The following UMAD1 variants were observed in gnomAD, a reference collection of about 807,000 sequenced individuals.
UMAD1 encodes UBAP1-MVB12-associated (UMA)-domain containing protein 1.
Under a neutral mutation model 6.1 loss-of-function variants are expected in UMAD1, and 8 were observed. The observed-to-expected ratio is 1.30, with a 90% CI of 0.76 to 2.35. UMAD1 has a LOEUF of 2.35. Ranked by LOEUF, UMAD1 falls within the 30% of genes most tolerant of loss-of-function variation. The probability of loss-of-function intolerance (pLI) is 0.00; values close to 1 mark genes in which losing one functional copy is unlikely to be tolerated. For synonymous variants in UMAD1, 56 were observed against 31.4 expected (o/e 1.78, Z -2.61); for missense variants, 130 against 78.4 (o/e 1.66, Z -2.49).
intron 1 of UMAD1, among the ~76,000 whole-genome samples, chr7:7,645,132 A>G (rs1028360937): frequency 1.3e-5 from 2 of 152,118 alleles, no homozygotes; most frequent in Non-Finnish European, 2.9e-5. Flanking sequence ...AGAATTTTCT[A>G]TCAGTTTTTT....
intron 2 of UMAD1, among the ~76,000 whole-genome samples, chr7:7,756,627 A>G (rs1229578524): frequency 3.9e-5 from 6 of 152,066 alleles, no homozygotes; most frequent in Non-Finnish European, 4.4e-5. Context: ...CTCCCACATC[A>G]TGGGTTGCTT....
intron 2 of UMAD1, among the ~76,000 whole-genome samples, chr7:7,754,484 C>T (rs1385523025): frequency 6.6e-6 from 1 of 152,062 alleles, no homozygotes; most frequent in Non-Finnish European, 1.5e-5. Context: ...GTTGTTTGAA[C>T]TCCTTATATA....
intron 2 of UMAD1, among the ~76,000 whole-genome samples, chr7:7,768,234 G>C (rs1052911536): frequency 6.6e-6 from 1 of 151,964 alleles, no homozygotes. Flanking sequence ...TTATTTTTCT[G>C]TACCTCTGGA....
chr7:7,859,896 C>T (rs1190640654), intron 3 of UMAD1, among the ~76,000 whole-genome samples: 1 of 152,160 alleles, frequency 6.6e-6, no homozygotes, highest in Non-Finnish European at 1.5e-5. Flanking sequence ...TTCCAGGTTG[C>T]TTATGTAAAG....
chr7:7,779,535 T>A (rs1471844673), intron 2 of UMAD1, among the ~76,000 whole-genome samples: 1 of 152,200 alleles, frequency 6.6e-6, no homozygotes, highest in Non-Finnish European at 1.5e-5. Context: ...TTTCCCAAAG[T>A]ACTAAGACCA....
chr7:7,641,742 T>A (rs1376003650), intron 1 of UMAD1: 4 of 152,194 alleles, frequency 2.6e-5, no homozygotes, highest in African/African-American at 9.7e-5. Flanking sequence ...TAATTGGGTA[T>A]TATAACGTTG....
chr7:7,642,250 T>A (rs895056507), intron 1 of UMAD1, among the ~76,000 whole-genome samples: 5 of 141,304 alleles, frequency 3.5e-5, no homozygotes, highest in African/African-American at 1.5e-4. Flanking sequence ...TCCTCTCACC[T>A]CAGCCTGCCA....
At chr7:7,673,835 A>G (rs1779674870) in intron 2 of UMAD1, among the ~76,000 whole-genome samples, 2 of 152,210 alleles carry the variant, frequency 1.3e-5, no homozygotes, top group Admixed American at 1.3e-4. Context: ...TAGGCATCCA[A>G]TAAATATTTG....
At chr7:7,690,825 T>A (rs1381759690) in intron 2 of UMAD1, among the ~76,000 whole-genome samples, 1 of 152,224 alleles carries the variant, frequency 6.6e-6, no homozygotes, top group African/African-American at 2.4e-5. Context: ...AGGCATCTTT[T>A]CATTGCTAAA....
rs1239162251 is a variant in UMAD1 at position 7,847,099 on chromosome 7, AAAAAAATATATATATATATATAT to A, written c.157-30180_157-30158del. On this transcript the variant is annotated intron_variant, in intron 3 of 3. Coordinates refer to ENST00000682710, the MANE Select transcript of UMAD1 (RefSeq NM_001302348.2). ...AAAGACAGCAATGCAAAAAAAAAAA[AAAAAAATATATATATATATATAT>A]ATATATATATATATATATATATATA... 2.0e-3 allele frequency among the ~76,000 whole-genome samples: 89 copies of A among 44,550 alleles called. 4 individuals carry two copies. Among genetic ancestry groups the A allele is most frequent in the East Asian group, 5.7e-3 (8 of 1,396 alleles). 29.2% of individuals were successfully genotyped at this position (44,550 alleles called of 152,430 possible).
At chr7:7,659,659 G>T (rs767859585) in intron 1 of UMAD1, among the ~76,000 whole-genome samples, 8 of 152,180 alleles carry the variant, frequency 5.3e-5, no homozygotes, top group Non-Finnish European at 1.2e-4. Flanking sequence ...ATTGCACTGT[G>T]GTCTGAGAGA....
chr7:7,788,994 T>C (rs1782511286), intron 2 of UMAD1, among the ~76,000 whole-genome samples: 1 of 152,238 alleles, frequency 6.6e-6, no homozygotes, highest in African/African-American at 2.4e-5. Flanking sequence ...AATTTCTATT[T>C]TTGTAACTAG....
chr7:7,699,655 C>A (rs1319082797), intron 2 of UMAD1, among the ~76,000 whole-genome samples: 1 of 152,198 alleles, frequency 6.6e-6, no homozygotes, highest in Non-Finnish European at 1.5e-5. Context: ...TTCCTCCAGG[C>A]TTTTCACATT....
intron 2 of UMAD1, among the ~76,000 whole-genome samples, chr7:7,785,106 G>A (rs1323315949): frequency 6.6e-6 from 1 of 152,120 alleles, no homozygotes; most frequent in African/African-American, 2.4e-5. Flanking sequence ...TCAGATTTTA[G>A]CGGGTTAAGA....
intron 2 of UMAD1, among the ~76,000 whole-genome samples, chr7:7,797,320 G>A (rs529316799): frequency 2.6e-5 from 4 of 152,248 alleles, no homozygotes; most frequent in South Asian, 4.2e-4. Flanking sequence ...TGCAACATTC[G>A]AGGTTACATT....
intron 1 of UMAD1, among the ~76,000 whole-genome samples, chr7:7,659,058 A>T (rs984588463): frequency 2.0e-5 from 3 of 152,138 alleles, no homozygotes; most frequent in Non-Finnish European, 4.4e-5. Flanking sequence ...CCAGGAATTT[A>T]TCCATTTCTT....
chr7:7,780,929 T>C (rs545686236), intron 2 of UMAD1, among the ~76,000 whole-genome samples: 38 of 152,330 alleles, frequency 2.5e-4, no homozygotes, highest in African/African-American at 8.9e-4. Flanking sequence ...TTACCCATCA[T>C]TTTTGCCAGG....
chr7:7,790,312 G>A lies in UMAD1; in HGVS notation c.83-11358G>A, dbSNP rs551032056. On this transcript the variant is annotated intron_variant, in intron 2 of 3. Coordinates refer to ENST00000682710, the MANE Select transcript of UMAD1 (RefSeq NM_001302348.2). The stretch of plus-strand genomic sequence containing the variant: ...TAACTAGACATCCCAGGATTTATCT[G>A]TGTTTATGCGGATGAAAACTCTGTT... 5.3e-5 allele frequency among the ~76,000 whole-genome samples: 8 copies of A among 152,310 alleles called. No homozygotes were observed. The East Asian group carries it at 1.3e-3, about 26-fold the overall frequency.
At chr7:7,655,491 G>A (rs1457640376) in intron 1 of UMAD1, among the ~76,000 whole-genome samples, 1 of 152,172 alleles carries the variant, frequency 6.6e-6, no homozygotes, top group Non-Finnish European at 1.5e-5. Flanking sequence ...TTCCTCCAGA[G>A]TCCTCCCTGG....
Sources: allele counts gnomAD v4.1 joint callset (sites outside exome capture counted in the v4.1 genomes callset), GRCh38; gene constraint gnomAD v4.1.1; transcripts MANE v1.5; gene names NCBI Gene and HGNC (gene_info 2026-07-23, HGNC 2026-07-21).